SGCZ: variants seen among roughly 807,000 people sequenced by gnomAD.
SGCZ encodes sarcoglycan zeta, also known as zeta-sarcoglycan.
In SGCZ, 40 loss-of-function variants were observed where a neutral mutation model predicts 41.3. The ratio of observed to expected loss-of-function variants is 0.97; its 90% CI spans 0.75 to 1.26. The LOEUF is 1.26. SGCZ is among the 50% of genes most tolerant of loss of function. The pLI is 0.00. For missense variants in SGCZ, 552 were observed against 369.8 expected, an observed-to-expected ratio of 1.49 and a Z score of -4.04; for synonymous variants, 206 against 137.5, an observed-to-expected ratio of 1.50 and a Z score of -3.49.
intron 1 of SGCZ, among the ~76,000 whole-genome samples, chr8:14,861,801 G>C (rs1280237000): frequency 6.6e-6 from 1 of 152,008 alleles, no homozygotes; most frequent in Admixed American, 6.6e-5. Flanking sequence ...TCCTTAGGGG[G>C]TGTCAGGCTA....
At chr8:14,846,068 A>C (rs1803090006) in intron 1 of SGCZ, among the ~76,000 whole-genome samples, 1 of 152,186 alleles carries the variant, frequency 6.6e-6, no homozygotes, top group South Asian at 2.1e-4. Context: ...AAATAGACAA[A>C]TATATAATTA....
chr8:14,775,345 C>T (rs1270842350), intron 1 of SGCZ, among the ~76,000 whole-genome samples: 2 of 152,076 alleles, frequency 1.3e-5, no homozygotes, highest in South Asian at 2.1e-4. Flanking sequence ...TGGTTTCACA[C>T]AATTTTATTC....
chr8:14,460,982 AAT>A (rs1162981873), intron 2 of SGCZ, among the ~76,000 whole-genome samples: 4 of 152,286 alleles, frequency 2.6e-5, no homozygotes, highest in African/African-American at 9.6e-5. Flanking sequence ...ATTTAATCTG[AAT>A]ATGTTTCCCA....
intron 1 of SGCZ, among the ~76,000 whole-genome samples, chr8:15,097,250 A>C (rs539139159): frequency 6.6e-6 from 1 of 152,186 alleles, no homozygotes; most frequent in Non-Finnish European, 1.5e-5. Context: ...ACATACTTGT[A>C]ATATTTACTC....
chr8:14,496,566 C>G (rs1159675006), intron 2 of SGCZ, among the ~76,000 whole-genome samples: 1 of 152,130 alleles, frequency 6.6e-6, no homozygotes, highest in Non-Finnish European at 1.5e-5. Flanking sequence ...ACAAGAAACT[C>G]TATGCTAAAG....
chr8:14,557,889 GA>G (rs1193779693), intron 1 of SGCZ, among the ~76,000 whole-genome samples: 1 of 152,012 alleles, frequency 6.6e-6, no homozygotes. Context: ...CTGGTTCTTT[GA>G]AAAGATAAAT....
intron 3 of SGCZ, among the ~76,000 whole-genome samples, chr8:14,288,270 T>C (rs982316779): frequency 7.2e-5 from 11 of 152,170 alleles, no homozygotes; most frequent in African/African-American, 2.4e-4. Flanking sequence ...TTTTATTGCA[T>C]TGAAATACAT....
At chr8:15,163,087 G>C (rs12546024) in intron 1 of SGCZ, among the ~76,000 whole-genome samples, 55,654 of 152,108 alleles carry the variant, frequency 0.37, 10,877 homozygotes, top group East Asian at 0.56. Context: ...CAAAGAACTG[G>C]ACGCCTTTGT....
chr8:15,000,201 C>A (rs1267497471), intron 1 of SGCZ, among the ~76,000 whole-genome samples: 2 of 152,216 alleles, frequency 1.3e-5, no homozygotes, highest in Non-Finnish European at 2.9e-5. Flanking sequence ...CTGTAGGAAA[C>A]CAACCCTGCC....
At chr8:14,943,605 G>T (rs1319855548) in intron 1 of SGCZ, among the ~76,000 whole-genome samples, 1 of 152,130 alleles carries the variant, frequency 6.6e-6, no homozygotes, top group African/African-American at 2.4e-5. Context: ...GGGTACATGT[G>T]CAGGTTTGTT....
chr8:15,217,388 A>G lies in SGCZ; in HGVS notation c.39+20197T>C, dbSNP rs995944454. Among the ~76,000 whole-genome samples the G allele has an allele frequency of 1.1e-4, 16 of 150,882 alleles. No homozygotes were observed. In the East Asian group the frequency reaches 1.2e-3, roughly 11 times the overall value. ...GTCGAGATTGCGCCACCGCACTCCA[A>G]CCTGGGAGACACAGCGAGACTCCGT... On this transcript the variant is annotated intron_variant, in intron 1 of 7. Transcript: ENST00000382080.
intron 1 of SGCZ, among the ~76,000 whole-genome samples, chr8:14,647,794 G>C (rs982222108): frequency 6.6e-6 from 1 of 152,068 alleles, no homozygotes; most frequent in Admixed American, 6.6e-5. Context: ...ATGACATCAA[G>C]ATGATGCTAG....
intron 1 of SGCZ, among the ~76,000 whole-genome samples, chr8:14,633,557 T>C (rs539411434): frequency 1.2e-4 from 18 of 152,022 alleles, no homozygotes; most frequent in Non-Finnish European, 1.0e-4. Flanking sequence ...TGGCAAATAA[T>C]TACAGGAACT....
At chr8:14,651,524 A>G (rs1807397551) in intron 1 of SGCZ, among the ~76,000 whole-genome samples, 1 of 152,062 alleles carries the variant, frequency 6.6e-6, no homozygotes, top group Non-Finnish European at 1.5e-5. Flanking sequence ...AGCGTGGATG[A>G]ATTGGCCCAT....
chr8:14,647,553 G>C (rs1240536858), intron 1 of SGCZ, among the ~76,000 whole-genome samples: 1 of 151,848 alleles, frequency 6.6e-6, no homozygotes, highest in Non-Finnish European at 1.5e-5. Flanking sequence ...GCAATGGTAC[G>C]AGCCTTCTTC....
chr8:14,636,204 C>T (rs1407743420), intron 1 of SGCZ, among the ~76,000 whole-genome samples: 1 of 151,742 alleles, frequency 6.6e-6, no homozygotes, highest in Non-Finnish European at 1.5e-5. Flanking sequence ...CAGACATAAG[C>T]TGAATTTTGT....
intron 1 of SGCZ, among the ~76,000 whole-genome samples, chr8:15,213,983 T>C (rs189660108): frequency 1.3e-5 from 2 of 152,120 alleles, no homozygotes; most frequent in East Asian, 3.9e-4. Context: ...ATACAAATAA[T>C]TTTAAACTTG....
At chr8:14,560,481 C>T (rs1167579731) in intron 1 of SGCZ, among the ~76,000 whole-genome samples, 1 of 151,990 alleles carries the variant, frequency 6.6e-6, no homozygotes, top group Non-Finnish European at 1.5e-5. Context: ...TAGGAGAAAG[C>T]TGAAGACTGA....
At chr8:15,164,279 A>G (rs968123765) in intron 1 of SGCZ, among the ~76,000 whole-genome samples, 1 of 151,990 alleles carries the variant, frequency 6.6e-6, no homozygotes, top group African/African-American at 2.4e-5. Flanking sequence ...CGCCTTTTCA[A>G]CCTCAGAATC....
Sources: allele counts gnomAD v4.1 joint callset (sites outside exome capture counted in the v4.1 genomes callset), GRCh38; gene constraint gnomAD v4.1.1; transcripts MANE v1.5; gene names NCBI Gene and HGNC (gene_info 2026-07-23, HGNC 2026-07-21).